The following SNTG1 variants were observed in gnomAD, a reference collection of about 807,000 sequenced individuals.
SNTG1 encodes the protein gamma-1-syntrophin.
A neutral mutation model predicts 74.7 loss-of-function variants in SNTG1; 39 were observed. That is an observed-to-expected ratio of 0.52 (90% CI 0.40 to 0.68). The LOEUF is 0.68. SNTG1 is among the 30% of genes least tolerant of loss of function. The pLI is 0.00. For missense variants in SNTG1, 685 were observed against 609.5 expected (o/e 1.12, Z -1.30); for synonymous variants, 254 against 217.1 (o/e 1.17, Z -1.49).
intron 2 of SNTG1, among the ~76,000 whole-genome samples, chr8:50,265,145 C>A (rs1269266870): frequency 1.3e-5 from 2 of 151,910 alleles, no homozygotes; most frequent in African/African-American, 4.8e-5. Flanking sequence ...GTTATTAATA[C>A]CACAATATCA....
chr8:50,353,673 G>T (rs1386983500), intron 2 of SNTG1, among the ~76,000 whole-genome samples: 5 of 152,100 alleles, frequency 3.3e-5, no homozygotes, highest in Admixed American at 6.6e-5. Context: ...CCTGTGTGTG[G>T]TGTGCTTTTA....
In SNTG1 at chr8:50,747,268, G is replaced by A. The variant is rs115202873; in HGVS notation, c.1285-4733G>A. ...GAAAATATTGACTTCAATCATGAAG[G>A]GTTATGCTTCAGTAATTCCTTGTTG... is the stretch of plus-strand genomic sequence containing the variant. On this transcript the variant is annotated intron_variant, in intron 17 of 18. Coordinates refer to ENST00000642720, the MANE Select transcript of SNTG1 (RefSeq NM_018967.5). Among the ~76,000 whole-genome samples, 1,401 of 151,954 alleles carry A rather than the reference G, an allele frequency of 9.2e-3. 25 individuals are homozygous for A. The highest frequency in any genetic ancestry group is 0.033 in the African/African-American group (1,352 of 41,488).
At chr8:50,650,401 C>T (rs1399572443) in intron 13 of SNTG1, among the ~76,000 whole-genome samples, 2 of 151,940 alleles carry the variant, frequency 1.3e-5, no homozygotes, top group African/African-American at 4.8e-5. Flanking sequence ...AGGTGCTGTT[C>T]CTTTAGATTC....
intron 2 of SNTG1, among the ~76,000 whole-genome samples, chr8:50,388,798 T>C (rs1053307702): frequency 6.6e-6 from 1 of 152,210 alleles, no homozygotes; most frequent in African/African-American, 2.4e-5. Flanking sequence ...GAGTTGATTA[T>C]ATATATCATC....
chr8:49,935,074 T>A (rs2385554), intron 1 of SNTG1, among the ~76,000 whole-genome samples: 96,648 of 151,752 alleles, frequency 0.64, 34,594 homozygotes, highest in East Asian at 0.86. Flanking sequence ...AAAGGTGTTG[T>A]CTAGATCATT....
chr8:50,043,454 A>T (rs960330128), intron 1 of SNTG1, among the ~76,000 whole-genome samples: 1 of 152,196 alleles, frequency 6.6e-6, no homozygotes, highest in Non-Finnish European at 1.5e-5. Context: ...CATTTACATG[A>T]CCTTTCATTC....
At chr8:50,380,824 C>CT (rs1323889995) in intron 2 of SNTG1, among the ~76,000 whole-genome samples, 2 of 152,142 alleles carry the variant, frequency 1.3e-5, no homozygotes, top group African/African-American at 4.8e-5. Context: ...GATAATAATT[C>CT]TTTTTAATTT....
intron 1 of SNTG1, among the ~76,000 whole-genome samples, chr8:50,102,654 T>C (rs1314198054): frequency 6.7e-6 from 1 of 149,604 alleles, no homozygotes; most frequent in African/African-American, 2.6e-5. Flanking sequence ...TCCTGAATGG[T>C]AATGCCTAGG....
rs138585892 is a variant in SNTG1, at chr8:50,641,650, A to C, written c.850-15259A>C. ...TACTCCTGGGCAAACTTCTTTTATC[A>C]ACCCCACAAATGAACACTGTTTCAC... On this transcript the variant is annotated intron_variant, in intron 13 of 18. Transcript: ENST00000642720. 3.3e-5 allele frequency among the ~76,000 whole-genome samples: 5 copies of C among 152,328 alleles called. No individual in the cohort carries two copies. In the East Asian group the frequency reaches 9.7e-4, roughly 29 times the overall value.
intron 2 of SNTG1, among the ~76,000 whole-genome samples, chr8:50,331,186 A>G (rs935063352): frequency 1.3e-5 from 2 of 152,204 alleles, no homozygotes; most frequent in African/African-American, 4.8e-5. Context: ...AGAAATTGAA[A>G]TAGCACACAG....
chr8:50,402,155 A>C (rs2092813698), intron 3 of SNTG1, 55 bp from the exon 4 acceptor site: 2 of 1,546,070 alleles, frequency 1.3e-6, no homozygotes, highest in Non-Finnish European at 1.7e-6. Flanking sequence ...ACAAAATTAC[A>C]ACCTATAAAC....
intron 1 of SNTG1, among the ~76,000 whole-genome samples, chr8:49,923,825 C>T (rs1806782306): frequency 6.6e-6 from 1 of 152,070 alleles, no homozygotes; most frequent in Admixed American, 6.6e-5. Context: ...ACAAGGAGAT[C>T]ATTTATAAAT....
chr8:50,441,019 C>G (rs2093353268), intron 5 of SNTG1, among the ~76,000 whole-genome samples: 1 of 152,218 alleles, frequency 6.6e-6, no homozygotes, highest in African/African-American at 2.4e-5. Flanking sequence ...ACACTCTTGA[C>G]AGATCTTGGC....
In SNTG1 at chr8:50,581,820, T is replaced by C. The variant is rs184537991; in HGVS notation, c.811-9059T>C. ...GTTGGAGATGTCCTTACTCGGCAAG[T>C]GTTCTTGGCAGAGCATCCTATTGAA... On this transcript the variant is annotated intron_variant, in intron 12 of 18. Transcript: ENST00000642720. Among the ~76,000 whole-genome samples, 3 of 152,326 alleles carry C rather than the reference T, an allele frequency of 2.0e-5. No homozygotes were observed. The East Asian group carries it at 5.8e-4, about 29-fold the overall frequency.
intron 4 of SNTG1, among the ~76,000 whole-genome samples, chr8:50,426,060 C>G (rs1389572178): frequency 6.6e-6 from 1 of 152,168 alleles, no homozygotes; most frequent in Non-Finnish European, 1.5e-5. Flanking sequence ...ATATACCACA[C>G]ACCGAGGCTC....
chr8:50,231,392 A>G (rs1303573872), intron 2 of SNTG1, among the ~76,000 whole-genome samples: 1 of 151,496 alleles, frequency 6.6e-6, no homozygotes, highest in Admixed American at 6.6e-5. Context: ...TATTTATCAA[A>G]AAGATTTGAA....
chr8:50,073,254 C>CT (rs1821532606), intron 1 of SNTG1, among the ~76,000 whole-genome samples: 1 of 152,200 alleles, frequency 6.6e-6, no homozygotes. Flanking sequence ...TAACCATGTT[C>CT]TATTCACCAG....
At chr8:49,986,359 A>T (rs903931854) in intron 1 of SNTG1, among the ~76,000 whole-genome samples, 1 of 152,118 alleles carries the variant, frequency 6.6e-6, no homozygotes, top group Non-Finnish European at 1.5e-5. Context: ...CCCCTCTCAT[A>T]TGACTGGCCT....
At chr8:50,706,574 A>C (rs2095444071) in intron 16 of SNTG1, among the ~76,000 whole-genome samples, 1 of 152,250 alleles carries the variant, frequency 6.6e-6, no homozygotes, top group Middle Eastern at 3.4e-3. Flanking sequence ...CTGTAAACTG[A>C]TATTCAGTGA....
Sources: allele counts gnomAD v4.1 joint callset (sites outside exome capture counted in the v4.1 genomes callset), GRCh38; gene constraint gnomAD v4.1.1; transcripts MANE v1.5; gene names NCBI Gene and HGNC (gene_info 2026-07-23, HGNC 2026-07-21).